Variants in CWC27 observed in about 807,000 individuals in gnomAD.
CWC27 encodes the protein spliceosome-associated protein CWC27 homolog.
CWC27 carries 47 observed loss-of-function variants against 63.6 expected under a neutral mutation model. The ratio of observed to expected loss-of-function variants is 0.74; its 90% CI spans 0.58 to 0.94. CWC27 has a LOEUF of 0.94. Among genes scored for constraint, CWC27 ranks in the 40% least tolerant of loss-of-function variants. The pLI is 0.00. For missense variants in CWC27, 495 were observed against 554.3 expected (o/e 0.89, Z 1.07); for synonymous variants, 175 against 179.8 (o/e 0.97, Z 0.22).
At chr5:64,786,070 C>A (rs1743872329) in intron 5 of CWC27, among the ~76,000 whole-genome samples, 1 of 147,818 alleles carries the variant, frequency 6.8e-6, no homozygotes, top group Non-Finnish European at 1.5e-5. Context: ...GAGGCTGAGG[C>A]AGGATAATCA....
chr5:64,936,037 A>G (rs1017957071), intron 11 of CWC27, among the ~76,000 whole-genome samples: 26 of 152,218 alleles, frequency 1.7e-4, no homozygotes, highest in Non-Finnish European at 2.8e-4. Flanking sequence ...CAATCATGTC[A>G]TCTACAAACA....
chr5:64,899,198 C>T (rs941920018), intron 11 of CWC27, among the ~76,000 whole-genome samples: 1 of 151,988 alleles, frequency 6.6e-6, no homozygotes, highest in Middle Eastern at 3.2e-3. Flanking sequence ...ACCAAATAGG[C>T]GGTAGTCCAT....
intron 11 of CWC27, among the ~76,000 whole-genome samples, chr5:64,924,226 T>A (rs545552458): frequency 4.9e-4 from 74 of 152,346 alleles, no homozygotes; most frequent in African/African-American, 1.7e-3. Context: ...TTGAACTCTC[T>A]GAACCTATTT....
At chr5:64,963,201 A>G (rs775433995) in intron 11 of CWC27, among the ~76,000 whole-genome samples, 1 of 152,284 alleles carries the variant, frequency 6.6e-6, no homozygotes, top group East Asian at 1.9e-4. Context: ...AGCTCAGACA[A>G]TCAGCCCGCC....
In CWC27 at chr5:64,957,555, C is replaced by A. The variant is rs11957525; in HGVS notation, c.1043-14148C>A. ...AGCTGATAGGTAGAAAGCTGGAGCC[C>A]CCAAAAGAAAAGCACATATGCCCCT... On this transcript the variant is annotated intron_variant, in intron 11 of 13. Transcript: ENST00000381070. Among the ~76,000 whole-genome samples the A allele has an allele frequency of 9.4e-4, 143 of 152,210 alleles. No homozygotes were observed. The Middle Eastern group carries it at 0.014, about 14-fold the overall frequency.
intron 11 of CWC27, among the ~76,000 whole-genome samples, chr5:64,936,345 C>T (rs1748351819): frequency 2.0e-5 from 3 of 152,186 alleles, no homozygotes; most frequent in African/African-American, 7.2e-5. Flanking sequence ...TTTTCTGCAT[C>T]TATTGAGATA....
Position 64,836,768 on chromosome 5 carries a change from C to A in CWC27, c.938+32382C>A, listed in dbSNP as rs145305121. Among the ~76,000 whole-genome samples, 222 of 152,040 alleles carry A rather than the reference C, an allele frequency of 1.5e-3. 1 individual carries two copies. Among genetic ancestry groups the A allele is most frequent in the African/African-American group, 4.9e-3 (205 of 41,510 alleles). On this transcript the variant is annotated intron_variant, in intron 10 of 13. Transcript: ENST00000381070. ...TGTAACATTTCTCCAGCCTTCTTTC[C>A]CAAATCTGTTACTCTGTGATGTAAA...
At chr5:64,999,335 C>T (rs1749692095) in intron 13 of CWC27, among the ~76,000 whole-genome samples, 1 of 152,000 alleles carries the variant, frequency 6.6e-6, no homozygotes, top group Non-Finnish European at 1.5e-5. Flanking sequence ...AAACATTTAT[C>T]ATTCCTTTAT....
chr5:64,835,220 A>G (rs6878483), intron 10 of CWC27, among the ~76,000 whole-genome samples: 53,433 of 151,514 alleles, frequency 0.35, 9,870 homozygotes, highest in East Asian at 0.51. Flanking sequence ...CATTAACATA[A>G]TGTCTTTAGA....
chr5:64,796,528 A>G (rs1300748250), intron 7 of CWC27, among the ~76,000 whole-genome samples: 1 of 152,160 alleles, frequency 6.6e-6, no homozygotes, highest in Non-Finnish European at 1.5e-5. Flanking sequence ...GCCCACCCAC[A>G]TTATGGAGTG....
At chr5:64,901,832 T>C (rs925416494) in intron 11 of CWC27, among the ~76,000 whole-genome samples, 1 of 152,204 alleles carries the variant, frequency 6.6e-6, no homozygotes, top group East Asian at 1.9e-4. Context: ...ATAAGCTTTT[T>C]TCTACTTTTA....
chr5:64,815,543 C>T (rs1409447326), intron 10 of CWC27, among the ~76,000 whole-genome samples: 1 of 152,158 alleles, frequency 6.6e-6, no homozygotes, highest in African/African-American at 2.4e-5. Flanking sequence ...AAAGATAATG[C>T]AATCTACTAC....
intron 10 of CWC27, among the ~76,000 whole-genome samples, chr5:64,819,413 C>G (rs952268770): frequency 7.9e-5 from 12 of 152,028 alleles, no homozygotes; most frequent in African/African-American, 2.9e-4. Flanking sequence ...TGTCCCCACC[C>G]AAATCTCCTC....
At chr5:64,799,900 C>T (rs529218121) in intron 7 of CWC27, among the ~76,000 whole-genome samples, 105 of 151,904 alleles carry the variant, frequency 6.9e-4, no homozygotes, top group Middle Eastern at 3.4e-3. Flanking sequence ...GCATTTATTT[C>T]AATACTCTTG....
intron 11 of CWC27, among the ~76,000 whole-genome samples, chr5:64,928,581 GACAC>G (rs147833157): frequency 4.0e-5 from 6 of 149,444 alleles, no homozygotes; most frequent in East Asian, 2.0e-4. Flanking sequence ...AACAAAGTGT[GACAC>G]ACACACACAC....
intron 11 of CWC27, among the ~76,000 whole-genome samples, chr5:64,890,914 T>G (rs1034707014): frequency 6.6e-6 from 1 of 152,150 alleles, no homozygotes; most frequent in African/African-American, 2.4e-5. Flanking sequence ...GCCCAGTATT[T>G]TATTGGGCTA....
At chr5:64,920,068 T>G (rs1046365694) in intron 11 of CWC27, among the ~76,000 whole-genome samples, 4 of 152,170 alleles carry the variant, frequency 2.6e-5, no homozygotes, top group Non-Finnish European at 4.4e-5. Flanking sequence ...CAGGTTCAAG[T>G]GATTCTTCCA....
chr5:64,822,459 G>A (rs566622003), intron 10 of CWC27, among the ~76,000 whole-genome samples: 2 of 152,184 alleles, frequency 1.3e-5, no homozygotes, highest in African/African-American at 2.4e-5. Flanking sequence ...TTAATTTTAG[G>A]CCTTGAAGAA....
chr5:64,851,104 C>G (rs989416538), intron 10 of CWC27, among the ~76,000 whole-genome samples: 2 of 152,172 alleles, frequency 1.3e-5, no homozygotes, highest in Non-Finnish European at 2.9e-5. Context: ...ACTACATGTT[C>G]ATTGCAGCAC....
Sources: gnomAD v4.1 joint callset for allele counts (sites outside exome capture counted in the v4.1 genomes callset) on GRCh38, gnomAD v4.1.1 for gene constraint, MANE v1.5 for transcripts, NCBI Gene and HGNC (gene_info 2026-07-23, HGNC 2026-07-21) for gene names.